The following ABR variants were observed in gnomAD, a reference collection of about 807,000 sequenced individuals.
The protein encoded by ABR is ABR activator of RhoGEF and GTPase.
Under a neutral mutation model 107.2 loss-of-function variants are expected in ABR, and 35 were observed. The ratio of observed to expected loss-of-function variants is 0.33; its 90% CI spans 0.25 to 0.43. The LOEUF is 0.43. Ranked by LOEUF, ABR falls within the 20% of genes least tolerant of loss-of-function variation. ABR has a pLI of 1.00. For missense variants in ABR, 815 were observed against 1,115.2 expected (o/e 0.73, Z 3.83); for synonymous variants, 498 against 462.0 (o/e 1.08, Z -1.00).
At chr17:1,056,706 T>C (rs1448860751) in intron 13 of ABR, among the ~76,000 whole-genome samples, 2 of 152,152 alleles carry the variant, frequency 1.3e-5, no homozygotes, top group African/African-American at 4.8e-5. Flanking sequence ...TACACCATTT[T>C]ATCTACCGGG....
At chr17:1,149,047 G>A (rs1055679896) in intron 1 of ABR, among the ~76,000 whole-genome samples, 6 of 149,460 alleles carry the variant, frequency 4.0e-5, no homozygotes, top group Non-Finnish European at 8.9e-5. Flanking sequence ...GACGACAGGT[G>A]CCTGCCACCA....
At chr17:1,079,824 A>AAAAG (rs1567717886) in intron 5 of ABR, among the ~76,000 whole-genome samples, 2 of 129,118 alleles carry the variant, frequency 1.5e-5, no homozygotes, top group South Asian at 2.4e-4. Flanking sequence ...AAAAAAAAAA[A>AAAAG]AAAGAAAGAC....
chr17:1,170,999 A>G lies in ABR; in HGVS notation c.61+8668T>C, dbSNP rs59619625. ...CTCCCAGAGGGGTCTCTCTCCTAAA[A>G]CTTCACCTTCAATAGCACACACTGC... On this transcript the variant is annotated intron_variant, in intron 1 of 22. Coordinates refer to ENST00000302538, the MANE Select transcript of ABR (RefSeq NM_021962.5). 4.0e-3 allele frequency among the ~76,000 whole-genome samples: 607 copies of G among 151,674 alleles called. 3 individuals are homozygous for G. Among genetic ancestry groups the G allele is most frequent in the African/African-American group, 0.014 (569 of 41,340 alleles).
In ABR at chr17:1,037,475, T is replaced by C. The variant is rs2073284363; in HGVS notation, c.1791+12575A>G. On this transcript the variant is annotated intron_variant, in intron 16 of 22. Transcript: ENST00000302538. This position sits in a 1 kb window ranked among gnomAD's most constrained non-coding sequence, Gnocchi z 4.6. ...GCAGGAGAAGTGTCCCGACAGCCCG[T>C]CCCTGGCAAACCCTAGCGATTCTCA... Among the ~76,000 whole-genome samples the C allele has an allele frequency of 6.6e-6, 1 of 152,168 alleles. No individual in the cohort carries two copies. The highest frequency in any genetic ancestry group is 1.5e-5 in the Non-Finnish European group (1 of 68,030).
intron 1 of ABR, among the ~76,000 whole-genome samples, chr17:1,173,125 CA>C: frequency 9.0e-6 from 1 of 111,722 alleles, no homozygotes; most frequent in African/African-American, 3.6e-5. Flanking sequence ...CACCTCAGTC[CA>C]CCCCCCACAC....
In ABR at chr17:1,200,902, G is replaced by A. The variant is rs2042659133; in HGVS notation, c.838+27891C>T. On this transcript the variant is annotated intron_variant, in intron 1 of 22. Coordinates refer to the ABR transcript ENST00000574139. The surrounding 1 kb of genome is among the most constrained non-coding windows in gnomAD (Gnocchi z 4.1). The stretch of plus-strand genomic sequence containing the variant: ...GGGGCTCTTCCTTCCTCTGGGCAGG[G>A]CTACAGCTTAGAGACTGGGAGAAAG... Among the ~76,000 whole-genome samples the A allele has an allele frequency of 6.6e-6, 1 of 152,194 alleles. No homozygotes were observed. The highest frequency in any genetic ancestry group is 2.4e-5 in the African/African-American group (1 of 41,454).
intron 6 of ABR, among the ~76,000 whole-genome samples, chr17:1,073,945 G>GC (rs1567705776): frequency 1.3e-5 from 2 of 149,224 alleles, no homozygotes; most frequent in Admixed American, 6.7e-5. Flanking sequence ...ATCGAGAGCC[G>GC]CCCCGCCCCC....
At chr17:1,229,475 C>G (rs1400577978) in exon 1 of ABR, among the ~76,000 whole-genome samples, 6 of 151,870 alleles carry the variant, frequency 4.0e-5, no homozygotes, top group Admixed American at 3.9e-4. Flanking sequence ...CTTTGAGCTG[C>G]TCCTCCGCCA....
At chr17:1,201,713 T>C (rs1450339225) in intron 1 of ABR, among the ~76,000 whole-genome samples, 1 of 152,176 alleles carries the variant, frequency 6.6e-6, no homozygotes, top group African/African-American at 2.4e-5. Flanking sequence ...TCTCGCTCTG[T>C]TGCCCAGGCT....
At chr17:1,198,662 G>A (rs2042614585) in intron 1 of ABR, among the ~76,000 whole-genome samples, 1 of 150,922 alleles carries the variant, frequency 6.6e-6, no homozygotes, top group Non-Finnish European at 1.5e-5. Flanking sequence ...TTGAGATGGA[G>A]TCTCGCTCTG....
rs147794220 is a variant in ABR at position 1,098,158 on chromosome 17, C to T, written c.345+2479G>A. On this transcript the variant is annotated intron_variant, in intron 3 of 22. Coordinates refer to ENST00000302538, the MANE Select transcript of ABR (RefSeq NM_021962.5). ...CGCAATCTCTGCTCACTGCAAGCTC[C>T]GCCTCCCAGGTTGACGCCATTCTCC... Among the ~76,000 whole-genome samples the T allele has an allele frequency of 2.4e-3, 371 of 151,898 alleles. 1 individual carries two copies. The highest frequency in any genetic ancestry group is 8.6e-3 in the African/African-American group (356 of 41,406).
At chr17:1,149,713 G>A (rs973616801) in intron 1 of ABR, among the ~76,000 whole-genome samples, 27 of 152,258 alleles carry the variant, frequency 1.8e-4, no homozygotes, top group African/African-American at 6.3e-4. Flanking sequence ...CACTGTGCCC[G>A]GCCCAGAGCT....
rs952793417 is a variant in ABR, at chr17:1,084,775, G to A, written c.532-1148C>T. 3.9e-5 allele frequency among the ~76,000 whole-genome samples: 6 copies of A among 152,156 alleles called. No individual in the cohort carries two copies. The highest frequency in any genetic ancestry group is 2.6e-4 in the Admixed American group (4 of 15,262). On this transcript the variant is annotated intron_variant, in intron 4 of 22. Coordinates refer to ENST00000302538, the MANE Select transcript of ABR (RefSeq NM_021962.5). The surrounding 1 kb of genome is among the most constrained non-coding windows in gnomAD (Gnocchi z 4.2). ...ATTTAAAAGTCTAATTGACAGCAAC[G>A]GCTGGCAAGCATATGGGGAAATTTA...
intron 1 of ABR, among the ~76,000 whole-genome samples, chr17:1,220,592 A>C (rs1192547674): frequency 6.6e-6 from 1 of 152,134 alleles, no homozygotes; most frequent in Non-Finnish European, 1.5e-5. Context: ...CCAGTTTCCA[A>C]AACAGCCAAA....
In ABR at chr17:1,172,490, C is replaced by T. The variant is rs144645051; in HGVS notation, c.61+7177G>A. 4.1e-3 allele frequency among the ~76,000 whole-genome samples: 628 copies of T among 152,252 alleles called. 2 individuals carry two copies. The highest frequency in any genetic ancestry group is 0.014 in the African/African-American group (573 of 41,546). On this transcript the variant is annotated intron_variant, in intron 1 of 22. Coordinates refer to ENST00000302538, the MANE Select transcript of ABR (RefSeq NM_021962.5). ...CCTGGGCCGGGCACGGTGGCTCACA[C>T]CTGTCATCCCAGCACTTTGGGAGGC...
At chr17:1,160,927 C>T (rs567709190) in intron 1 of ABR, among the ~76,000 whole-genome samples, 51 of 152,360 alleles carry the variant, frequency 3.3e-4, no homozygotes, top group African/African-American at 1.0e-3. Context: ...GTCACTCCAT[C>T]GAGCCTTGCT....
chr17:1,026,386 C>T (rs1183953487), intron 16 of ABR, among the ~76,000 whole-genome samples: 1 of 152,268 alleles, frequency 6.6e-6, no homozygotes, highest in Non-Finnish European at 1.5e-5. Context: ...GGGAAGGGCG[C>T]TGTGGATGTC....
intron 1 of ABR, among the ~76,000 whole-genome samples, chr17:1,175,721 C>G (rs1216885144): frequency 6.6e-6 from 1 of 152,160 alleles, no homozygotes; most frequent in Non-Finnish European, 1.5e-5. Context: ...ATCAAATGAC[C>G]ACCAAACCTG....
At chr17:1,111,996 C>A (rs543276425) in intron 2 of ABR, among the ~76,000 whole-genome samples, 1 of 151,790 alleles carries the variant, frequency 6.6e-6, no homozygotes, top group African/African-American at 2.4e-5. Flanking sequence ...CGCCATCTTA[C>A]GAGTCTTCCT....
Sources: gnomAD v4.1 joint callset for allele counts (sites outside exome capture counted in the v4.1 genomes callset) on GRCh38, gnomAD v4.1.1 for gene constraint, Gnocchi (gnomAD v3.1) non-coding constraint, MANE v1.5 for transcripts, NCBI Gene and HGNC (gene_info 2026-07-23, HGNC 2026-07-21) for gene names.